PAX5: variants seen among roughly 807,000 people sequenced by gnomAD.
PAX5 encodes the protein paired box protein Pax-5.
Under a neutral mutation model 43.7 loss-of-function variants are expected in PAX5, and 9 were observed. The ratio of observed to expected loss-of-function variants is 0.21; its 90% CI spans 0.12 to 0.36. The LOEUF (loss-of-function observed/expected upper bound fraction) is 0.36, where lower values mean the gene tolerates loss of function less well. PAX5 is among the 10% of genes least tolerant of loss of function. PAX5 has a pLI of 1.00. For missense variants in PAX5, 383 were observed against 532.7 expected (o/e 0.72, Z 2.77); for synonymous variants, 228 against 214.3 (o/e 1.06, Z -0.56).
chr9:36,936,179 C>G (rs1588021345), intron 6 of PAX5, among the ~76,000 whole-genome samples: 1 of 152,234 alleles, frequency 6.6e-6, no homozygotes, highest in Non-Finnish European at 1.5e-5. Context: ...GAGCACAAAG[C>G]TCCACTTCTG....
chr9:36,884,779 G>A (rs899021026), intron 7 of PAX5, among the ~76,000 whole-genome samples: 10 of 152,164 alleles, frequency 6.6e-5, no homozygotes, highest in African/African-American at 1.4e-4. Flanking sequence ...GGAAAATTTC[G>A]GTGAAATAGC....
chr9:36,986,164 C>A (rs1428949458), intron 5 of PAX5, among the ~76,000 whole-genome samples: 3 of 151,742 alleles, frequency 2.0e-5, no homozygotes, highest in African/African-American at 7.2e-5. Context: ...CCCCCCGGGG[C>A]CCCGGAAAGC....
chr9:36,876,549 A>C (rs1230725569), intron 8 of PAX5, among the ~76,000 whole-genome samples: 2 of 152,234 alleles, frequency 1.3e-5, no homozygotes, highest in African/African-American at 4.8e-5. Flanking sequence ...GATATCTGCA[A>C]CCATGTTAAG....
intron 6 of PAX5, among the ~76,000 whole-genome samples, chr9:36,942,986 C>G (rs9987557): frequency 2.0e-5 from 3 of 152,176 alleles, no homozygotes. Flanking sequence ...CTTGTCTTCC[C>G]GCTCTCCTTC....
At chr9:36,971,194 G>A (rs1056852986) in intron 5 of PAX5, among the ~76,000 whole-genome samples, 14 of 152,114 alleles carry the variant, frequency 9.2e-5, no homozygotes, top group Admixed American at 2.6e-4. Flanking sequence ...AAAAATAATC[G>A]GACTAGTAAA....
At chr9:36,979,846 T>C (rs1835760755) in intron 5 of PAX5, among the ~76,000 whole-genome samples, 1 of 152,182 alleles carries the variant, frequency 6.6e-6, no homozygotes, top group East Asian at 1.9e-4. Flanking sequence ...TTCTGGAGCT[T>C]GGAGTGGATT....
At position 36,835,771 on chromosome 9, in the gene PAX5, G is replaced by A. The variant is rs1244879445; in HGVS notation, c.*4789C>T. 1 of 233,244 alleles carries A rather than the reference G, an allele frequency of 4.3e-6. No individual in the cohort carries two copies. Among genetic ancestry groups the A allele is most frequent in the African/African-American group, 2.2e-5 (1 of 45,360 alleles). The allele number at this position is 233,244 out of a possible 1,614,324, so 14.4% of individuals were successfully genotyped here. A position where few individuals can be genotyped will look rare whatever the true frequency, so the allele number is the denominator to read the frequency against. On this transcript the variant is annotated 3_prime_UTR_variant, in exon 10 of 10. Transcript: ENST00000358127. ...AGAGCAGCCTCTCGATGGGTGACAA[G>A]GCCAAGACTGCAGAACTGGCCTCGT...
intron 5 of PAX5, among the ~76,000 whole-genome samples, chr9:36,988,662 C>CAAAA (rs139552622): frequency 4.8e-5 from 5 of 103,508 alleles, no homozygotes; most frequent in Non-Finnish European, 9.9e-5. Flanking sequence ...GACCCTGTCT[C>CAAAA]AAAAAAAAAA....
chr9:36,957,819 C>G (rs139667457), intron 6 of PAX5, among the ~76,000 whole-genome samples: 456 of 152,262 alleles, frequency 3.0e-3, no homozygotes, highest in African/African-American at 0.011. Context: ...CCCTGCCTAC[C>G]AAGCTCCCAC....
At chr9:36,865,817 A>C (rs1291021164) in intron 8 of PAX5, among the ~76,000 whole-genome samples, 1 of 152,242 alleles carries the variant, frequency 6.6e-6, no homozygotes, top group African/African-American at 2.4e-5. Context: ...TCTGGTATGC[A>C]TCCAGACAGG....
In PAX5 at chr9:36,923,570, C is replaced by T. The variant is rs1425654890; in HGVS notation, c.781-86G>A. 6.7e-5 allele frequency: 99 copies of T among 1,482,320 alleles called. 1 individual carries two copies. The highest frequency in any genetic ancestry group is 8.8e-5 in the Non-Finnish European group (96 of 1,095,302). The allele number at this position is 1,482,320 out of a possible 1,614,324, so 91.8% of individuals were successfully genotyped here. ...AACTCCACGTTCTGAGCTCAGCCAC[C>T]AAGCTGAGTTAGTCCATGCCTGTGC... is the stretch of plus-strand genomic sequence containing the variant. On this transcript the variant is annotated intron_variant, in intron 6 of 9. Transcript: ENST00000358127.
At chr9:36,876,841 CG>C (rs1365656774) in intron 8 of PAX5, among the ~76,000 whole-genome samples, 1 of 152,158 alleles carries the variant, frequency 6.6e-6, no homozygotes, top group Non-Finnish European at 1.5e-5. Context: ...GCCCTGGAGC[CG>C]GAAGGAGCAG....
At chr9:36,906,141 A>G (rs1050720629) in intron 7 of PAX5, among the ~76,000 whole-genome samples, 3 of 152,218 alleles carry the variant, frequency 2.0e-5, no homozygotes, top group Admixed American at 2.0e-4. Flanking sequence ...TGTGGTAGAC[A>G]GAAGAATAAT....
intron 7 of PAX5, among the ~76,000 whole-genome samples, chr9:36,916,258 G>A (rs1477172895): frequency 1.3e-5 from 2 of 152,210 alleles, no homozygotes; most frequent in East Asian, 3.9e-4. Context: ...ATTTGTGAAT[G>A]CCCAAGTATA....
chr9:36,982,804 A>G (rs1026296976), intron 5 of PAX5, among the ~76,000 whole-genome samples: 5 of 152,172 alleles, frequency 3.3e-5, no homozygotes, highest in African/African-American at 1.2e-4. Flanking sequence ...TTTGCACACA[A>G]TGGGTGCACA....
At chr9:37,003,000 G>A (rs1055522097) in intron 4 of PAX5, among the ~76,000 whole-genome samples, 2 of 152,070 alleles carry the variant, frequency 1.3e-5, no homozygotes, top group African/African-American at 4.8e-5. Flanking sequence ...AAAGGGAAGG[G>A]TGGGCACTGA....
chr9:37,033,997 G>A lies in PAX5; in HGVS notation c.35C>T (p.Thr12Ile). 6.2e-7 allele frequency: 1 copy of A among 1,611,408 alleles called. No individual in the cohort carries two copies. The highest frequency in any genetic ancestry group is 8.5e-7 in the Non-Finnish European group (1 of 1,179,470). Residue 12 changes from threonine to isoleucine, a missense_variant, in exon 1 of 10, where the codon ACC becomes ATC. Transcript: ENST00000358127. ...TATCGCGGTCCTACCTGTCCTGCTG[G>A]TCCGAGGAGTCGGATAATTTTTCTC... ...DLEKNYPTPR[T>I]SRTGHGGVNQ... is the part of the protein sequence containing the mutation.
At chr9:37,026,305 C>G (rs1373320275) in intron 1 of PAX5, among the ~76,000 whole-genome samples, 1 of 152,262 alleles carries the variant, frequency 6.6e-6, no homozygotes, top group African/African-American at 2.4e-5. Flanking sequence ...GGCTGCAGCT[C>G]GCTGCCCAAG....
intron 8 of PAX5, among the ~76,000 whole-genome samples, chr9:36,868,953 TGG>T (rs1256256941): frequency 1.3e-5 from 2 of 152,132 alleles, no homozygotes; most frequent in Non-Finnish European, 2.9e-5. Flanking sequence ...TGGGGAAGCA[TGG>T]GGCTTGTTGG....
Sources: gnomAD v4.1 joint callset for allele counts (sites outside exome capture counted in the v4.1 genomes callset) on GRCh38, gnomAD v4.1.1 for gene constraint, MANE v1.5 for transcripts, NCBI Gene and HGNC (gene_info 2026-07-23, HGNC 2026-07-21) for gene names.